SLC22A5: variants seen among roughly 807,000 people sequenced by gnomAD.
SLC22A5 encodes the protein solute carrier family 22 member 5.
In SLC22A5, 44 loss-of-function variants were observed where a neutral mutation model predicts 56.7. The observed-to-expected ratio is 0.78, with a 90% CI of 0.61 to 1.00. SLC22A5 has a LOEUF of 1.00. Among genes scored for constraint, SLC22A5 ranks in the 50% least tolerant of loss-of-function variants. SLC22A5 has a pLI of 0.00. For missense variants in SLC22A5, 675 were observed against 723.0 expected (o/e 0.93, Z 0.76); for synonymous variants, 278 against 292.1 (o/e 0.95, Z 0.49).
At position 132,393,664 on chromosome 5, in the gene SLC22A5, G is replaced by T; in HGVS notation, c.1451-12G>T. On this transcript the variant is annotated splice_polypyrimidine_tract_variant and intron_variant, in intron 8 of 9. Transcript: ENST00000245407. Reference sequence around the variant, plus strand: ...CAGCCCTGGGCCTGAGGCTCCGTCTGCTTTGCCATAGGTGCCTACGACCGC... The same window carrying T: ...CAGCCCTGGGCCTGAGGCTCCGTCTTCTTTGCCATAGGTGCCTACGACCGC... The T allele has an allele frequency of 6.2e-7, 1 of 1,614,122 alleles. No homozygotes were observed. The highest frequency in any genetic ancestry group is 8.5e-7 in the Non-Finnish European group (1 of 1,179,984).
chr5:132,394,467 G>A lies in SLC22A5; in HGVS notation c.*195G>A, dbSNP rs886059910. On this transcript the variant is annotated 3_prime_UTR_variant, in exon 10 of 10. Coordinates refer to ENST00000245407, the MANE Select transcript of SLC22A5 (RefSeq NM_003060.4). ...CCCTAGAGCACCACCTTCCTCTAGG[G>A]ACACTGGGGCTACCTACAGACAACT... 16 of 618,788 alleles carry A rather than the reference G, an allele frequency of 2.6e-5. No individual in the cohort carries two copies. In the African/African-American group the frequency reaches 2.6e-4, roughly 10 times the overall value. The allele number at this position is 618,788 out of a possible 1,614,324, so 38.3% of individuals were successfully genotyped here. A position where few individuals can be genotyped will look rare whatever the true frequency, so the allele number is the denominator to read the frequency against.
intron 2 of SLC22A5, 49 bp from the exon 3 acceptor site, chr5:132,384,098 C>A (rs1341142132): frequency 4.4e-6 from 7 of 1,603,718 alleles, no homozygotes; most frequent in Non-Finnish European, 6.0e-6. Flanking sequence ...GAGCCCATTC[C>A]TGCTGCCCTT....
chr5:132,378,137 GC>G lies in SLC22A5; in HGVS notation c.394-239del, dbSNP rs540382112. 634 of 1,557,386 alleles carry G rather than the reference GC, an allele frequency of 4.1e-4. 2 individuals carry two copies. Among genetic ancestry groups the G allele is most frequent in the South Asian group, 2.0e-3 (175 of 85,600 alleles). On this transcript the variant is annotated intron_variant, in intron 1 of 9. Transcript: ENST00000245407. ...CATGTGGACAGAACACTTACTCTCT[GC>G]CTGTCTCTCCTCCTCAAAATGGAAG...
chr5:132,385,521 A>C, intron 4 of SLC22A5, 22 bp downstream of exon 4: 4 of 1,608,818 alleles, frequency 2.5e-6, no homozygotes, highest in Non-Finnish European at 3.4e-6. Flanking sequence ...CTTGTGCCCC[A>C]TGTGCCCACT....
At chr5:132,379,908 G>A (rs577208807) in intron 2 of SLC22A5, 2 of 152,392 alleles carry the variant, frequency 1.3e-5, no homozygotes, top group African/African-American at 4.8e-5. Context: ...GGCAGAGTTA[G>A]GATTTGGACC....
At chr5:132,393,522 ATGC>A (rs1352002356) in intron 8 of SLC22A5, among the ~76,000 whole-genome samples, 151 bp from the exon 9 acceptor site, 1 of 152,154 alleles carries the variant, frequency 6.6e-6, no homozygotes, top group Non-Finnish European at 1.5e-5. Context: ...ACCTGTCTAG[ATGC>A]CAGATTCTAA....
At position 132,387,134 on chromosome 5, in the gene SLC22A5, AT is replaced by A; in HGVS notation, c.935del (p.Ile312ThrfsTer10). On this transcript the variant is annotated frameshift_variant, in exon 5 of 10. Transcript: ENST00000245407. LOFTEE classifies it high-confidence loss of function. ...CAATGGGATTGTTGTGCCTTCCACT[AT>A]CTTTGACCCGAGTGAGGTAAGCACC... ...KANGIVVPST[I>X]FDPSELQDLS... 6.2e-7 allele frequency: 1 copy of A among 1,614,126 alleles called. No homozygotes were observed. Among genetic ancestry groups the A allele is most frequent in the Non-Finnish European group, 8.5e-7 (1 of 1,180,004 alleles).
intron 1 of SLC22A5, 190 bp from the exon 2 acceptor site, chr5:132,378,188 A>G (rs1250076209): frequency 1.9e-6 from 3 of 1,603,052 alleles, no homozygotes; most frequent in Non-Finnish European, 2.6e-6. Flanking sequence ...CTACAATGCT[A>G]TGAAAAACAG....
At chr5:132,377,953 C>T (rs1052454772) in intron 1 of SLC22A5, 12 of 694,682 alleles carry the variant, frequency 1.7e-5, no homozygotes, top group African/African-American at 9.0e-5. Flanking sequence ...TGCTTTGGCC[C>T]GTAGAGCCCC....
chr5:132,391,446 T>C (rs760910572), intron 7 of SLC22A5, among the ~76,000 whole-genome samples: 1 of 152,230 alleles, frequency 6.6e-6, no homozygotes, highest in Admixed American at 6.5e-5. Flanking sequence ...AATGCCGAGT[T>C]AGTTTACATA....
rs759704527 is a variant in SLC22A5 at position 132,370,076 on chromosome 5, C to T, written c.104C>T (p.Thr35Ile). 1 of 1,613,000 alleles carries T rather than the reference C, an allele frequency of 6.2e-7. No individual in the cohort carries two copies. Among genetic ancestry groups the T allele is most frequent in the Non-Finnish European group, 8.5e-7 (1 of 1,179,680 alleles). ...GCCAGCATCATCCCCAATGGCTTCACCGGCCTGTCCTCCGTGTTCCTGATA... is the reference window on the plus strand; with the variant it reads ...GCCAGCATCATCCCCAATGGCTTCATCGGCCTGTCCTCCGTGTTCCTGATA... ...LSASIIPNGFTGLSSVFLIAT... is the reference protein window; with the variant it reads ...LSASIIPNGFIGLSSVFLIAT... The change falls in exon 1 of 10, where the codon ACC (threonine) becomes ATC (isoleucine). Residue 35 changes from threonine (T) to isoleucine (I), a missense_variant. Transcript: ENST00000245407.
chr5:132,394,041 A>G, intron 9 of SLC22A5, 144 bp from the exon 10 acceptor site: 1 of 770,492 alleles, frequency 1.3e-6, no homozygotes, highest in South Asian at 1.5e-5. Flanking sequence ...GCCGCACTGG[A>G]TAACTCAGAG....
intron 1 of SLC22A5, among the ~76,000 whole-genome samples, chr5:132,372,067 C>T (rs1052822951): frequency 5.3e-5 from 8 of 152,116 alleles, no homozygotes; most frequent in African/African-American, 1.4e-4. Flanking sequence ...GGAGTGTGAC[C>T]GGAGCCCCAC....
intron 1 of SLC22A5, among the ~76,000 whole-genome samples, chr5:132,374,963 A>G (rs529309966): frequency 7.0e-4 from 107 of 152,264 alleles, no homozygotes; most frequent in African/African-American, 2.4e-3. Flanking sequence ...CTGAGGCATG[A>G]GAATCACTTG....
intron 4 of SLC22A5, among the ~76,000 whole-genome samples, chr5:132,385,818 T>C (rs1332999260): frequency 1.3e-5 from 2 of 152,260 alleles, no homozygotes; most frequent in African/African-American, 4.8e-5. Context: ...GTGTAGGCCC[T>C]AGTTCTGGCT....
In SLC22A5 at chr5:132,385,508, G is replaced by T; in HGVS notation, c.824+9G>T. 6.2e-7 allele frequency: 1 copy of T among 1,613,724 alleles called. No individual in the cohort carries two copies. Among genetic ancestry groups the T allele is most frequent in the East Asian group, 2.2e-5 (1 of 44,870 alleles). ...TGCGTGGCACTCTGGTGGTGAGTGT[G>T]ACCTTGTGCCCCATGTGCCCACTGG... is the stretch of plus-strand genomic sequence containing the variant. On this transcript the variant is annotated intron_variant, in intron 4 of 9. Transcript: ENST00000245407.
Position 132,392,635 on chromosome 5 carries a change from G to A in SLC22A5, c.1450+20G>A. 5 of 1,609,998 alleles carry A rather than the reference G, an allele frequency of 3.1e-6. No homozygotes were observed. The highest frequency in any genetic ancestry group is 4.2e-6 in the Non-Finnish European group (5 of 1,176,706). On this transcript the variant is annotated intron_variant, in intron 8 of 9. Coordinates refer to ENST00000245407, the MANE Select transcript of SLC22A5 (RefSeq NM_003060.4). ...ACCTTGGTAAGTCCCATGAGCCAAG[G>A]GCACACTAGAGCAACGGGATGGAAG...
intron 3 of SLC22A5, among the ~76,000 whole-genome samples, chr5:132,384,788 C>A (rs982612870): frequency 6.6e-6 from 1 of 152,152 alleles, no homozygotes; most frequent in Non-Finnish European, 1.5e-5. Context: ...GCTTTCGTCA[C>A]CTTCAGGGTT....
At chr5:132,377,909 G>T in intron 1 of SLC22A5, 1 of 550,384 alleles carries the variant, frequency 1.8e-6, no homozygotes, top group South Asian at 2.1e-5. Flanking sequence ...TCCAGATGGT[G>T]CACTCTGTGC....
Sources: allele counts gnomAD v4.1 joint callset (sites outside exome capture counted in the v4.1 genomes callset), GRCh38; gene constraint gnomAD v4.1.1; transcripts MANE v1.5; gene names NCBI Gene and HGNC (gene_info 2026-07-23, HGNC 2026-07-21).